The following NVL variants were observed in gnomAD, a reference collection of about 807,000 sequenced individuals.
NVL encodes the protein nuclear VCP like.
In NVL, 84 loss-of-function variants were observed where a neutral mutation model predicts 110.2. The ratio of observed to expected loss-of-function variants is 0.76; its 90% CI spans 0.64 to 0.91. The LOEUF (loss-of-function observed/expected upper bound fraction) is 0.91, where lower values mean the gene tolerates loss of function less well. NVL is among the 40% of genes least tolerant of loss of function. NVL has a pLI of 0.00. For synonymous variants in NVL, 354 were observed against 361.1 expected, an observed-to-expected ratio of 0.98 and a Z score of 0.22; for missense variants, 882 against 1,035.9, an observed-to-expected ratio of 0.85 and a Z score of 2.04.
chr1:224,289,376 C>T (rs1667163411), intron 13 of NVL, 108 bp downstream of exon 13: 1 of 1,121,608 alleles, frequency 8.9e-7, no homozygotes, highest in African/African-American at 1.6e-5. Flanking sequence ...AGATTAAATG[C>T]CAATAAAACA....
At chr1:224,249,378 G>A (rs917276119) in intron 19 of NVL, among the ~76,000 whole-genome samples, 7 of 152,090 alleles carry the variant, frequency 4.6e-5, no homozygotes, top group African/African-American at 1.7e-4. Flanking sequence ...CACCTGCCTT[G>A]GCTTCCCAAA....
At chr1:224,242,647 C>T (rs1029388249) in intron 19 of NVL, among the ~76,000 whole-genome samples, 2 of 150,812 alleles carry the variant, frequency 1.3e-5, no homozygotes, top group African/African-American at 4.9e-5. Flanking sequence ...TTGGTATTTT[C>T]AGCAGAGATG....
chr1:224,311,234 G>T lies in NVL; in HGVS notation c.342+566C>A, dbSNP rs183418821. Among the ~76,000 whole-genome samples, 407 of 150,304 alleles carry T rather than the reference G, an allele frequency of 2.7e-3. 2 individuals carry two copies. Among genetic ancestry groups the T allele is most frequent in the African/African-American group, 9.1e-3 (370 of 40,848 alleles). The stretch of plus-strand genomic sequence containing the variant: ...CATTACACCTGGCTAATTTTGGGGG[G>T]TTTTTTGGTAGAGATGGGGTTGTGC... On this transcript the variant is annotated intron_variant, in intron 5 of 22. Transcript: ENST00000281701.
chr1:224,300,858 A>T (rs1668327927), intron 9 of NVL, among the ~76,000 whole-genome samples, 195 bp from the exon 10 acceptor site: 1 of 152,110 alleles, frequency 6.6e-6, no homozygotes, highest in Non-Finnish European at 1.5e-5. Context: ...TAATCCCACT[A>T]CTTTGGGAGG....
chr1:224,318,021 G>T (rs940220155), intron 2 of NVL, 91 bp from the exon 3 acceptor site: 2 of 815,746 alleles, frequency 2.5e-6, no homozygotes, highest in South Asian at 1.7e-5. Context: ...AAATTTTCAT[G>T]AATATTTCAT....
At chr1:224,285,605 C>CT (rs1666786598) in intron 15 of NVL, among the ~76,000 whole-genome samples, 1 of 151,962 alleles carries the variant, frequency 6.6e-6, no homozygotes, top group African/African-American at 2.4e-5. Context: ...AATGCTTTTC[C>CT]TTTTTGCTTA....
Position 224,303,821 on chromosome 1 carries a change from C to T in NVL, c.862G>A (p.Glu288Lys). Reference sequence around the variant, plus strand: ...ACGACGCCCAGGTGGTGGTACACCTCCGGGTGACGCATGTGTATGAGCATC... The same window carrying T: ...ACGACGCCCAGGTGGTGGTACACCTTCGGGTGACGCATGTGTATGAGCATC... ...CKMLIHMRHPEVYHHLGVVPP... is the reference protein window; with the variant it reads ...CKMLIHMRHPKVYHHLGVVPP... Residue 288 changes from glutamate (E) to lysine (K), a missense_variant, in exon 9 of 23, where the codon GAG becomes AAG. By Grantham distance (56) the Glu-to-Lys change is moderately conservative. Coordinates refer to ENST00000281701, the MANE Select transcript of NVL (RefSeq NM_002533.4). 1 of 1,613,768 alleles carries T rather than the reference C, an allele frequency of 6.2e-7. No homozygotes were observed. The highest frequency in any genetic ancestry group is 8.5e-7 in the Non-Finnish European group (1 of 1,179,824).
intron 18 of NVL, among the ~76,000 whole-genome samples, chr1:224,267,456 G>C (rs1664602705): frequency 6.6e-6 from 1 of 152,062 alleles, no homozygotes; most frequent in Non-Finnish European, 1.5e-5. Context: ...GGGAGGCCGA[G>C]GTGGGCAGAT....
chr1:224,320,666 T>C (rs1461768076), intron 2 of NVL, among the ~76,000 whole-genome samples: 1 of 151,714 alleles, frequency 6.6e-6, no homozygotes, highest in East Asian at 1.9e-4. Context: ...AAAAACTTTA[T>C]GTTTTTGAGA....
chr1:224,300,755 G>A, intron 9 of NVL, 92 bp from the exon 10 acceptor site: 1 of 811,918 alleles, frequency 1.2e-6, no homozygotes, highest in South Asian at 1.7e-5. Flanking sequence ...TAAATAGCTA[G>A]TTTCCTGAGG....
intron 18 of NVL, among the ~76,000 whole-genome samples, chr1:224,253,308 C>A (rs1243366812): frequency 4.0e-5 from 6 of 151,744 alleles, no homozygotes; most frequent in African/African-American, 1.5e-4. Context: ...CCTTAGCCTC[C>A]CGAAGTGCTG....
At chr1:224,294,500 A>T (rs1667690777) in intron 11 of NVL, 89 bp from the exon 12 acceptor site, 1 of 1,398,616 alleles carries the variant, frequency 7.1e-7, no homozygotes, top group Non-Finnish European at 1.0e-6. Context: ...TTAAAGATAA[A>T]GTATTACAGA....
At chr1:224,233,073 A>ACAGTCTTATTAGAAAAACGTTAG in intron 21 of NVL, 128 bp downstream of exon 21, 1 of 704,344 alleles carries the variant, frequency 1.4e-6, no homozygotes, top group Non-Finnish European at 2.3e-6. Context: ...ACAGCTTCTA[A>ACAGTCTTATTAGAAAAACGTTAG]CAGTCTTATT....
chr1:224,304,980 A>G (rs1407100612), intron 7 of NVL, 54 bp downstream of exon 7: 2 of 1,599,566 alleles, frequency 1.3e-6, no homozygotes, highest in East Asian at 4.5e-5. Flanking sequence ...GGACAGAATG[A>G]TGCTTCTCTC....
chr1:224,287,657 GAC>G, intron 14 of NVL, 116 bp downstream of exon 14: 1 of 725,668 alleles, frequency 1.4e-6, no homozygotes. Context: ...AGTCAAGTTA[GAC>G]ACAGTGATTA....
In NVL at chr1:224,275,701, A is replaced by C. The variant is rs534287573; in HGVS notation, c.1963-243T>G. 1.9e-4 allele frequency among the ~76,000 whole-genome samples: 29 copies of C among 152,354 alleles called. 1 individual carries two copies. In the East Asian group the frequency reaches 5.6e-3, roughly 29 times the overall value. The stretch of plus-strand genomic sequence containing the variant: ...GCCTACTATAAATTTCCTTATTTAT[A>C]AAATGAAGACTTAAGTGAAACGTAA... On this transcript the variant is annotated intron_variant, in intron 16 of 22. Transcript: ENST00000281701.
rs1223177227 is a variant in NVL, at chr1:224,289,746, CA to C, written c.1326-14del. 1 of 1,589,986 alleles carries C rather than the reference CA, an allele frequency of 6.3e-7. No homozygotes were observed. Among genetic ancestry groups the C allele is most frequent in the Non-Finnish European group, 8.6e-7 (1 of 1,166,768 alleles). ...TGTTTGAAGTATTCTGTAGAAAAGA[CA>C]GGGGAAAAAATTTCTGATTCCTGAT... On this transcript the variant is annotated splice_polypyrimidine_tract_variant and intron_variant, in intron 12 of 22. Coordinates refer to ENST00000281701, the MANE Select transcript of NVL (RefSeq NM_002533.4).
intron 18 of NVL, among the ~76,000 whole-genome samples, chr1:224,256,650 T>C (rs958789926): frequency 4.6e-5 from 7 of 152,176 alleles, no homozygotes; most frequent in African/African-American, 9.7e-5. Context: ...CTGGACACTT[T>C]ATATAAATTT....
intron 4 of NVL, among the ~76,000 whole-genome samples, chr1:224,314,309 T>C (rs1021171980): frequency 5.9e-5 from 9 of 152,146 alleles, no homozygotes; most frequent in African/African-American, 1.9e-4. Flanking sequence ...CAAATAAATA[T>C]CCATGAATAT....
Sources: allele counts gnomAD v4.1 joint callset (sites outside exome capture counted in the v4.1 genomes callset), GRCh38; gene constraint gnomAD v4.1.1; transcripts MANE v1.5; gene names NCBI Gene and HGNC (gene_info 2026-07-23, HGNC 2026-07-21).